Variants in CACNA2D3 observed in about 807,000 individuals in gnomAD.
CACNA2D3 encodes the protein calcium voltage-gated channel auxiliary subunit alpha2delta 3.
CACNA2D3 carries 60 observed loss-of-function variants against 160.6 expected under a neutral mutation model. The ratio of observed to expected loss-of-function variants is 0.37; its 90% CI spans 0.30 to 0.46. The LOEUF (loss-of-function observed/expected upper bound fraction) is 0.46. Among genes scored for constraint, CACNA2D3 ranks in the 20% least tolerant of loss-of-function variants. CACNA2D3 has a pLI of 1.00. For missense variants in CACNA2D3, 1,205 were observed against 1,365.0 expected (o/e 0.88, Z 1.85); for synonymous variants, 558 against 492.9 (o/e 1.13, Z -1.75).
chr3:54,156,376 C>T (rs1700244235), intron 2 of CACNA2D3, among the ~76,000 whole-genome samples: 1 of 152,200 alleles, frequency 6.6e-6, no homozygotes, highest in Admixed American at 6.5e-5. Flanking sequence ...CCTTCATACA[C>T]TAATGCCGTC....
intron 11 of CACNA2D3, among the ~76,000 whole-genome samples, chr3:54,720,980 T>C (rs1701157937): frequency 6.6e-6 from 1 of 152,176 alleles, no homozygotes; most frequent in South Asian, 2.1e-4. Context: ...GCTATTTTTC[T>C]TATCTATGTT....
intron 12 of CACNA2D3, among the ~76,000 whole-genome samples, chr3:54,761,733 G>C (rs754228077): frequency 1.3e-5 from 2 of 152,208 alleles, no homozygotes; most frequent in Non-Finnish European, 2.9e-5. Context: ...CTCTGACCCA[G>C]GCCAGGAGGG....
intron 3 of CACNA2D3, among the ~76,000 whole-genome samples, chr3:54,333,957 C>T (rs931093716): frequency 1.3e-5 from 2 of 152,236 alleles, no homozygotes; most frequent in Non-Finnish European, 2.9e-5. Flanking sequence ...TGTGGTTCTC[C>T]AAGCACGCTC....
At chr3:55,001,126 A>T (rs539557994) in intron 31 of CACNA2D3, among the ~76,000 whole-genome samples, 6 of 152,324 alleles carry the variant, frequency 3.9e-5, no homozygotes, top group African/African-American at 1.4e-4. Flanking sequence ...AGTACACATC[A>T]GCTGTTGTTA....
intron 11 of CACNA2D3, among the ~76,000 whole-genome samples, chr3:54,646,103 T>TTTCC (rs1347409828): frequency 0.03 from 4,044 of 135,234 alleles, 618 homozygotes; most frequent in African/African-American, 0.13. Flanking sequence ...GTGGGCAGGT[T>TTTCC]TTCCTTCCTT....
intron 35 of CACNA2D3, among the ~76,000 whole-genome samples, chr3:55,020,520 G>A (rs1228778572): frequency 6.6e-6 from 1 of 151,184 alleles, no homozygotes. Context: ...AATGTCTAAT[G>A]TGAAAATATA....
At chr3:54,556,334 A>G (rs1192317357) in intron 5 of CACNA2D3, among the ~76,000 whole-genome samples, 2 of 152,152 alleles carry the variant, frequency 1.3e-5, no homozygotes, top group Non-Finnish European at 1.5e-5. Context: ...CACAGAAGGG[A>G]AGGCCATTTG....
intron 5 of CACNA2D3, among the ~76,000 whole-genome samples, chr3:54,515,222 AAG>A (rs762033191): frequency 3.4e-5 from 4 of 117,628 alleles, no homozygotes; most frequent in African/African-American, 1.3e-4. Context: ...GAGAGAGAGA[AAG>A]AGAGAGAGGA....
intron 13 of CACNA2D3, among the ~76,000 whole-genome samples, chr3:54,811,060 A>G (rs1431459509): frequency 6.6e-6 from 1 of 152,024 alleles, no homozygotes; most frequent in East Asian, 1.9e-4. Context: ...TCCTCTGCCT[A>G]CACTCACCCC....
chr3:54,686,806 T>C (rs903518482), intron 11 of CACNA2D3, among the ~76,000 whole-genome samples: 1 of 152,066 alleles, frequency 6.6e-6, no homozygotes, highest in East Asian at 1.9e-4. Flanking sequence ...TATGGAAAAA[T>C]TAATGTGGAA....
chr3:54,439,889 A>G (rs1396381212), intron 4 of CACNA2D3, among the ~76,000 whole-genome samples: 3 of 152,120 alleles, frequency 2.0e-5, no homozygotes, highest in African/African-American at 4.8e-5. Flanking sequence ...TGCTTCTCCA[A>G]TGTGACATTT....
intron 27 of CACNA2D3, chr3:54,918,357 T>TTTTTA: frequency 4.8e-6 from 2 of 412,638 alleles, no homozygotes; most frequent in Non-Finnish European, 7.2e-6. Context: ...TTTTTTTTTG[T>TTTTTA]CTTTTGGCAA....
intron 3 of CACNA2D3, 23 bp from the exon 4 acceptor site, chr3:54,386,692 C>CTTTTTT: frequency 9.4e-7 from 1 of 1,060,412 alleles, no homozygotes; most frequent in South Asian, 1.5e-5. Flanking sequence ...ATGCTGTCTT[C>CTTTTTT]TGTTTTTTTT....
At chr3:54,584,758 A>C (rs1408412420) in intron 9 of CACNA2D3, among the ~76,000 whole-genome samples, 3 of 152,200 alleles carry the variant, frequency 2.0e-5, no homozygotes, top group Admixed American at 2.0e-4. Flanking sequence ...ACAAGAAAAA[A>C]ATCTAGAAAC....
chr3:54,543,427 AC>A (rs1426900997), intron 5 of CACNA2D3, among the ~76,000 whole-genome samples: 1 of 152,216 alleles, frequency 6.6e-6, no homozygotes, highest in Non-Finnish European at 1.5e-5. Flanking sequence ...ATTTTTGTTA[AC>A]CAATTAAGAA....
chr3:54,716,956 G>T (rs550238747), intron 11 of CACNA2D3, among the ~76,000 whole-genome samples: 3 of 149,994 alleles, frequency 2.0e-5, no homozygotes, highest in Admixed American at 2.0e-4. Context: ...AAATCATAGC[G>T]TCAAGACAGA....
intron 13 of CACNA2D3, among the ~76,000 whole-genome samples, chr3:54,771,243 T>C (rs1334161904): frequency 6.6e-6 from 1 of 152,200 alleles, no homozygotes; most frequent in African/African-American, 2.4e-5. Context: ...ACTCCCATTA[T>C]GTGGGTCAGC....
chr3:54,723,120 C>T (rs952987893), intron 11 of CACNA2D3, among the ~76,000 whole-genome samples: 1 of 152,198 alleles, frequency 6.6e-6, no homozygotes, highest in Admixed American at 6.5e-5. Flanking sequence ...GCAGTCTGGC[C>T]AGAGCAGCCT....
intron 20 of CACNA2D3, among the ~76,000 whole-genome samples, chr3:54,880,360 T>C (rs945048753): frequency 1.4e-4 from 22 of 152,224 alleles, no homozygotes; most frequent in Non-Finnish European, 2.9e-4. Context: ...TACACTCATG[T>C]AGTAGTGGAA....
Sources: allele counts gnomAD v4.1 joint callset (sites outside exome capture counted in the v4.1 genomes callset), GRCh38; gene constraint gnomAD v4.1.1; transcripts MANE v1.5; gene names NCBI Gene and HGNC (gene_info 2026-07-23, HGNC 2026-07-21).